The following LCLAT1 variants were observed in gnomAD, a reference collection of about 807,000 sequenced individuals.
LCLAT1 encodes the protein 1-AGP acyltransferase 8.
Under a neutral mutation model 30.7 loss-of-function variants are expected in LCLAT1, and 11 were observed. That is an observed-to-expected ratio of 0.36 (90% CI 0.23 to 0.59). LCLAT1 has a LOEUF of 0.59. LCLAT1 is among the 20% of genes least tolerant of loss of function. LCLAT1 has a pLI of 0.77. For synonymous variants in LCLAT1, 155 were observed against 151.3 expected, an observed-to-expected ratio of 1.02 and a Z score of -0.18; for missense variants, 402 against 458.6, an observed-to-expected ratio of 0.88 and a Z score of 1.13.
At chr2:30,562,719 A>G (rs1665292527) in intron 4 of LCLAT1, among the ~76,000 whole-genome samples, 1 of 152,132 alleles carries the variant, frequency 6.6e-6, no homozygotes, top group Non-Finnish European at 1.5e-5. Flanking sequence ...TTTTATCTTT[A>G]TGTAAGTGTA....
At chr2:30,636,614 G>T (rs911626674) in intron 5 of LCLAT1, among the ~76,000 whole-genome samples, 1 of 152,080 alleles carries the variant, frequency 6.6e-6, no homozygotes, top group Non-Finnish European at 1.5e-5. Flanking sequence ...TTTCTCAGTG[G>T]TGCCATCAAA....
chr2:30,591,386 C>CTGTT (rs1666687154), intron 5 of LCLAT1, among the ~76,000 whole-genome samples: 1 of 152,084 alleles, frequency 6.6e-6, no homozygotes, highest in Non-Finnish European at 1.5e-5. Context: ...TACTAATGAA[C>CTGTT]TGTTTAAGGA....
intron 3 of LCLAT1, among the ~76,000 whole-genome samples, chr2:30,554,949 A>C (rs1436815841): frequency 6.6e-6 from 1 of 150,980 alleles, no homozygotes; most frequent in African/African-American, 2.4e-5. Flanking sequence ...TATTTTCTTA[A>C]ACAGAAGGAA....
intron 1 of LCLAT1, among the ~76,000 whole-genome samples, chr2:30,515,331 C>G (rs1318979602): frequency 6.6e-6 from 1 of 152,176 alleles, no homozygotes; most frequent in Admixed American, 6.5e-5. Context: ...CTTAGCTTCC[C>G]CATTAGACTC....
At chr2:30,586,256 A>AAAG (rs1253212223) in intron 5 of LCLAT1, among the ~76,000 whole-genome samples, 3 of 151,708 alleles carry the variant, frequency 2.0e-5, no homozygotes, top group Non-Finnish European at 4.4e-5. Context: ...AAAAAAAAAA[A>AAAG]AAAAAACCCA....
rs931218489 is a variant in LCLAT1 at position 30,539,506 on chromosome 2, A to G, written c.364+6192A>G. ...ACTAAATGTTCTCTTTTAATGTTAT[A>G]TATACTGTTTTAACAGGCTTGGCTG... On this transcript the variant is annotated intron_variant, in intron 3 of 5. Coordinates refer to ENST00000379509, the MANE Select transcript of LCLAT1 (RefSeq NM_001002257.3). Among the ~76,000 whole-genome samples, 26 of 152,208 alleles carry G rather than the reference A, an allele frequency of 1.7e-4. 1 individual carries two copies. Among genetic ancestry groups the G allele is most frequent in the Admixed American group, 1.4e-3 (21 of 15,290 alleles).
intron 1 of LCLAT1, among the ~76,000 whole-genome samples, chr2:30,525,323 T>G (rs933525625): frequency 6.6e-6 from 1 of 152,182 alleles, no homozygotes; most frequent in African/African-American, 2.4e-5. Flanking sequence ...GTGATCCACC[T>G]GCTTCAGCCT....
At chr2:30,530,785 C>G (rs993562945) in intron 2 of LCLAT1, among the ~76,000 whole-genome samples, 2 of 152,158 alleles carry the variant, frequency 1.3e-5, no homozygotes, top group African/African-American at 4.8e-5. Flanking sequence ...TTCAAGCGAT[C>G]TTCCTGCCTT....
At chr2:30,465,790 T>A (rs918804144) in intron 1 of LCLAT1, among the ~76,000 whole-genome samples, 2 of 152,188 alleles carry the variant, frequency 1.3e-5, no homozygotes, top group African/African-American at 4.8e-5. Context: ...TTTTGAGATT[T>A]GCTTTTGAAT....
intron 1 of LCLAT1, among the ~76,000 whole-genome samples, chr2:30,488,649 C>T (rs1450908479): frequency 2.0e-5 from 3 of 152,214 alleles, no homozygotes; most frequent in Non-Finnish European, 4.4e-5. Flanking sequence ...TTTTAGCACT[C>T]AATAACTCCC....
chr2:30,636,702 C>T (rs946020848), intron 5 of LCLAT1, among the ~76,000 whole-genome samples: 1 of 152,172 alleles, frequency 6.6e-6, no homozygotes, highest in African/African-American at 2.4e-5. Flanking sequence ...CACACCTTTA[C>T]TATAGATCAT....
chr2:30,474,649 C>CTT (rs10654986), intron 1 of LCLAT1, among the ~76,000 whole-genome samples: 7,253 of 143,802 alleles, frequency 0.05, 227 homozygotes, highest in Middle Eastern at 0.079. Flanking sequence ...AATAATTTAA[C>CTT]TTTTTTTTTT....
chr2:30,637,388 A>G lies in LCLAT1; in HGVS notation c.629-2729A>G, dbSNP rs545573989. Among the ~76,000 whole-genome samples, 285 of 152,166 alleles carry G rather than the reference A, an allele frequency of 1.9e-3. 1 individual carries two copies. Among genetic ancestry groups the G allele is most frequent in the Non-Finnish European group, 2.2e-3 (152 of 68,000 alleles). On this transcript the variant is annotated intron_variant, in intron 5 of 5. Transcript: ENST00000379509. ...ATATTAACATCTTAAGGAATGTATC[A>G]TACTCAGTCTATCAGCAATGGAATA...
At chr2:30,591,235 A>T (rs560884063) in intron 5 of LCLAT1, among the ~76,000 whole-genome samples, 1 of 152,200 alleles carries the variant, frequency 6.6e-6, no homozygotes, top group Non-Finnish European at 1.5e-5. Flanking sequence ...ATAGTGATCA[A>T]CTTGCTAAAC....
chr2:30,587,022 C>T (rs1317969927), intron 5 of LCLAT1, among the ~76,000 whole-genome samples: 1 of 152,156 alleles, frequency 6.6e-6, no homozygotes, highest in East Asian at 1.9e-4. Context: ...TGTGATCAGT[C>T]TTCTACCTCT....
At chr2:30,532,089 T>A (rs891759573) in intron 2 of LCLAT1, among the ~76,000 whole-genome samples, 4 of 152,216 alleles carry the variant, frequency 2.6e-5, no homozygotes, top group African/African-American at 9.6e-5. Context: ...AATATCTTAA[T>A]CTTTTAGAAA....
At chr2:30,610,900 T>A (rs745457613) in intron 5 of LCLAT1, among the ~76,000 whole-genome samples, 6 of 152,130 alleles carry the variant, frequency 3.9e-5, no homozygotes, top group Non-Finnish European at 8.8e-5. Flanking sequence ...TAACTGTTAT[T>A]ATTTCCTCAC....
Position 30,518,162 on chromosome 2 carries a change from C to T in LCLAT1, c.-4-7425C>T, listed in dbSNP as rs570974136. 6.7e-4 allele frequency among the ~76,000 whole-genome samples: 102 copies of T among 152,284 alleles called. 1 individual carries two copies. Among genetic ancestry groups the T allele is most frequent in the African/African-American group, 2.1e-3 (89 of 41,562 alleles). ...TACTGACTCAAAAATCTTAAAGTAT[C>T]GGGCTGTTCTTTAGAAAAAGATGAT... On this transcript the variant is annotated intron_variant, in intron 1 of 5. Transcript: ENST00000379509.
At chr2:30,470,219 T>G (rs1390540132) in intron 1 of LCLAT1, among the ~76,000 whole-genome samples, 1 of 152,144 alleles carries the variant, frequency 6.6e-6, no homozygotes, top group East Asian at 1.9e-4. Context: ...GAATCAGCCT[T>G]GGGTTTTACA....
Sources: gnomAD v4.1 joint callset for allele counts (sites outside exome capture counted in the v4.1 genomes callset) on GRCh38, gnomAD v4.1.1 for gene constraint, MANE v1.5 for transcripts, NCBI Gene and HGNC (gene_info 2026-07-23, HGNC 2026-07-21) for gene names.